The following FBXL13 variants were observed in gnomAD, a reference collection of about 807,000 sequenced individuals.
The protein encoded by FBXL13 is F-box and leucine-rich repeat protein 13.
A neutral mutation model predicts 83.6 loss-of-function variants in FBXL13; 67 were observed. That is an observed-to-expected ratio of 0.80 (90% CI 0.66 to 0.98). The LOEUF is 0.98. Ranked by LOEUF, FBXL13 falls within the 50% of genes least tolerant of loss-of-function variation. The pLI, the probability that FBXL13 is intolerant of heterozygous loss-of-function variation, is 0.00. For missense variants in FBXL13, 822 were observed against 866.5 expected (o/e 0.95, Z 0.64); for synonymous variants, 272 against 299.5 (o/e 0.91, Z 0.95).
chr7:103,074,515 T>C (rs2129516813), exon 1 of FBXL13: 1 of 1,175,758 alleles, frequency 8.5e-7, no homozygotes, highest in East Asian at 6.0e-5. Flanking sequence ...CTAATCAGCG[T>C]CTTCAGCCCT....
intron 6 of FBXL13, among the ~76,000 whole-genome samples, chr7:103,009,506 C>T (rs1052937218): frequency 2.0e-5 from 3 of 152,186 alleles, no homozygotes; most frequent in African/African-American, 7.2e-5. Context: ...ATGGGAGAAT[C>T]CCCCTGGTTT....
intron 6 of FBXL13, among the ~76,000 whole-genome samples, chr7:102,969,094 T>G (rs1421858018): frequency 6.6e-6 from 1 of 152,188 alleles, no homozygotes; most frequent in Non-Finnish European, 1.5e-5. Flanking sequence ...TGTAGTTGTG[T>G]ACAGTAATAT....
chr7:103,049,687 T>C (rs1005129453), intron 2 of FBXL13, among the ~76,000 whole-genome samples: 1 of 152,228 alleles, frequency 6.6e-6, no homozygotes, highest in African/African-American at 2.4e-5. Flanking sequence ...CTGTGAGAGC[T>C]TGAATATCCA....
intron 5 of FBXL13, 95 bp downstream of exon 6, chr7:103,027,354 T>C (rs777875877): frequency 1.4e-6 from 1 of 733,854 alleles, no homozygotes; most frequent in Non-Finnish European, 2.2e-6. Context: ...ATATTCAGGA[T>C]TTTAGTATTT....
intron 5 of FBXL13, 56 bp from the exon 7 acceptor site, chr7:103,025,286 T>G: frequency 8.5e-7 from 1 of 1,178,934 alleles, no homozygotes; most frequent in Non-Finnish European, 1.2e-6. Flanking sequence ...TCAAGAGAGA[T>G]GACAGACACA....
At chr7:103,033,459 A>G (rs1794734582) in intron 2 of FBXL13, among the ~76,000 whole-genome samples, 1 of 152,250 alleles carries the variant, frequency 6.6e-6, no homozygotes, top group African/African-American at 2.4e-5. Context: ...TACAGTTCTT[A>G]AAGGCGGCGT....
chr7:102,813,287 T>C (rs951176692), exon 20 of FBXL13: 1 of 1,496,342 alleles, frequency 6.7e-7, no homozygotes, highest in African/African-American at 1.4e-5. Context: ...TTGCAACAAA[T>C]GGAGAAAACT....
chr7:103,010,445 A>G (rs1188101763), intron 6 of FBXL13, among the ~76,000 whole-genome samples: 1 of 151,944 alleles, frequency 6.6e-6, no homozygotes, highest in African/African-American at 2.4e-5. Context: ...ATTGCCCTGG[A>G]AACACCTGGA....
At chr7:103,005,152 C>A (rs1790847667) in intron 6 of FBXL13, among the ~76,000 whole-genome samples, 1 of 151,982 alleles carries the variant, frequency 6.6e-6, no homozygotes, top group East Asian at 1.9e-4. Flanking sequence ...TTAATAATGG[C>A]CCAAAAGTAG....
chr7:102,966,502 A>G (rs1825978840), intron 7 of FBXL13, among the ~76,000 whole-genome samples: 1 of 152,194 alleles, frequency 6.6e-6, no homozygotes. Context: ...TCTGGAGGAG[A>G]AAGAATATAT....
chr7:102,962,837 T>TG (rs1213836503), intron 8 of FBXL13, among the ~76,000 whole-genome samples: 10 of 46,542 alleles, frequency 2.1e-4, no homozygotes, highest in Admixed American at 1.9e-3. Context: ...TGTTGTGGGG[T>TG]GGGGGGAAGG....
At chr7:102,861,194 G>A (rs542828522) in intron 16 of FBXL13, among the ~76,000 whole-genome samples, 114 of 152,098 alleles carry the variant, frequency 7.5e-4, no homozygotes, top group Non-Finnish European at 1.4e-3. Flanking sequence ...AAAATGAACA[G>A]TAATACTGTA....
intron 8 of FBXL13, among the ~76,000 whole-genome samples, chr7:102,958,682 C>T (rs1824698975): frequency 6.6e-6 from 1 of 151,914 alleles, no homozygotes; most frequent in African/African-American, 2.4e-5. Context: ...GCAGACTAAG[C>T]ACATGTTCAG....
intron 3 of FBXL13, 120 bp from the exon 5 acceptor site, chr7:103,028,868 G>C (rs1794216122): frequency 5.2e-6 from 4 of 775,170 alleles, no homozygotes; most frequent in Non-Finnish European, 7.3e-6. Flanking sequence ...CCACAGCATA[G>C]AAAGAAACTT....
At chr7:102,934,650 T>G in intron 8 of FBXL13, 1 of 1,604,302 alleles carries the variant, frequency 6.2e-7, no homozygotes, top group Non-Finnish European at 8.5e-7. Flanking sequence ...CACAATTATG[T>G]GTTTCCCATA....
At chr7:102,942,167 A>G (rs1563127031) in intron 8 of FBXL13, 2 of 637,118 alleles carry the variant, frequency 3.1e-6, no homozygotes, top group Non-Finnish European at 5.6e-6. Context: ...ATATTTACTG[A>G]GCACCTACCA....
intron 16 of FBXL13, among the ~76,000 whole-genome samples, chr7:102,864,377 T>TC (rs2129453926): frequency 6.6e-6 from 1 of 152,092 alleles, no homozygotes; most frequent in African/African-American, 2.4e-5. Context: ...AGTGTTCATT[T>TC]TTTTTTTTAA....
At chr7:102,931,001 C>A (rs2129472939) in intron 9 of FBXL13, among the ~76,000 whole-genome samples, 1 of 152,226 alleles carries the variant, frequency 6.6e-6, no homozygotes, top group South Asian at 2.1e-4. Context: ...TGAAGGAAGC[C>A]AAAACCCTAT....
In FBXL13 at chr7:102,969,204, A is replaced by AT. The variant is rs528496420; in HGVS notation, c.496-1088dup. On this transcript the variant is annotated intron_variant, in intron 6 of 19. Coordinates refer to ENST00000313221, the Ensembl canonical transcript of FBXL13. ...GCCCTATATAGGTGTGCCAATTTTA[A>AT]TTTTTTTACCATATTTTTACTGTAC... Among the ~76,000 whole-genome samples the AT allele has an allele frequency of 7.9e-3, 1,194 of 152,050 alleles. 10 individuals carry two copies. Among genetic ancestry groups the AT allele is most frequent in the Non-Finnish European group, 0.012 (843 of 67,968 alleles).
Sources: gnomAD v4.1 joint callset for allele counts (sites outside exome capture counted in the v4.1 genomes callset) on GRCh38, gnomAD v4.1.1 for gene constraint, MANE v1.5 for transcripts, NCBI Gene and HGNC (gene_info 2026-07-23, HGNC 2026-07-21) for gene names.